ESRRB: variants seen among roughly 807,000 people sequenced by gnomAD.
ESRRB encodes estrogen related receptor beta.
A neutral mutation model predicts 46.0 loss-of-function variants in ESRRB; 16 were observed. The ratio of observed to expected loss-of-function variants is 0.35; its 90% confidence interval spans 0.24 to 0.53. The LOEUF (loss-of-function observed/expected upper bound fraction) is 0.53. Ranked by LOEUF, ESRRB falls within the 20% of genes least tolerant of loss-of-function variation. The probability of loss-of-function intolerance (pLI) is 0.93; values close to 1 mark genes in which losing one functional copy is unlikely to be tolerated. For synonymous variants in ESRRB, 246 were observed against 259.6 expected (o/e 0.95, Z 0.50); for missense variants, 488 against 607.4 (o/e 0.80, Z 2.07).
intron 5 of ESRRB, among the ~76,000 whole-genome samples, chr14:76,483,005 G>C (rs144863372): frequency 5.9e-5 from 9 of 152,250 alleles, no homozygotes; most frequent in African/African-American, 2.2e-4. Context: ...CATTCGAGGC[G>C]GGGCCATGTT....
At chr14:76,374,551 G>T (rs533953594), upstream of ESRRB, among the ~76,000 whole-genome samples, 3 of 152,078 alleles carry the variant, frequency 2.0e-5, no homozygotes, top group Non-Finnish European at 4.4e-5. Context: ...TTTACAAATC[G>T]CTCCCTGGCT....
chr14:76,322,826 C>T (rs539622129), intron 1 of ESRRB, among the ~76,000 whole-genome samples: 46 of 152,306 alleles, frequency 3.0e-4, no homozygotes, highest in African/African-American at 1.1e-3. Context: ...TTTATCTCCA[C>T]GCAATCCGCC....
chr14:76,439,005 C>T (rs1887793400), intron 1 of ESRRB, among the ~76,000 whole-genome samples: 1 of 151,782 alleles, frequency 6.6e-6, no homozygotes, highest in South Asian at 2.1e-4. Context: ...CCCTATGTTG[C>T]CCAGGCTGGT....
chr14:76,398,022 T>C (rs1885771637), intron 1 of ESRRB, among the ~76,000 whole-genome samples: 2 of 152,236 alleles, frequency 1.3e-5, no homozygotes, highest in African/African-American at 2.4e-5. Context: ...CAGGGCCTCA[T>C]TGGATATTCT....
At chr14:76,456,606 G>C (rs951161730) in intron 2 of ESRRB, among the ~76,000 whole-genome samples, 1 of 152,184 alleles carries the variant, frequency 6.6e-6, no homozygotes, top group Non-Finnish European at 1.5e-5. Context: ...CAGGTGGCTA[G>C]TCGTCCCTTT....
chr14:76,413,562 G>A (rs1351819663), intron 1 of ESRRB, among the ~76,000 whole-genome samples: 1 of 152,146 alleles, frequency 6.6e-6, no homozygotes, highest in Non-Finnish European at 1.5e-5. Flanking sequence ...AGGAGGGTTA[G>A]ACACTCCTCT....
intron 2 of ESRRB, among the ~76,000 whole-genome samples, chr14:76,460,832 G>C (rs1888824084): frequency 6.6e-6 from 1 of 151,820 alleles, no homozygotes; most frequent in African/African-American, 2.4e-5. Context: ...CTTCCGAGTA[G>C]CTGTGATTAT....
At position 76,358,407 on chromosome 14, in the gene ESRRB, G is replaced by C. The variant is rs928593049; in HGVS notation, c.2+47491G>C. ...AGAAAGAAAGAAAGAAAGAAAGAAA[G>C]AAAGAAAAGAAAAGAAAAAGAAAAA... On this transcript the variant is annotated intron_variant, in intron 1 of 6. Coordinates refer to the ESRRB transcript ENST00000512784. Among the ~76,000 whole-genome samples, 2 of 128,040 alleles carry C rather than the reference G, an allele frequency of 1.6e-5. 1 individual carries two copies. The highest frequency in any genetic ancestry group is 3.3e-5 in the Non-Finnish European group (2 of 60,318). 84.0% of individuals were successfully genotyped at this position (128,040 alleles called of 152,430 possible).
At chr14:76,462,228 G>A (rs1374899511) in intron 2 of ESRRB, among the ~76,000 whole-genome samples, 5 of 152,160 alleles carry the variant, frequency 3.3e-5, no homozygotes, top group South Asian at 2.1e-4. Context: ...CATAGGGGGC[G>A]TTCTCCTCCT....
At chr14:76,389,033 C>T (rs562969400) in intron 1 of ESRRB, among the ~76,000 whole-genome samples, 3 of 152,224 alleles carry the variant, frequency 2.0e-5, no homozygotes, top group Non-Finnish European at 4.4e-5. Context: ...TAGGCAGGCA[C>T]CCCCCACCAA....
upstream of ESRRB, among the ~76,000 whole-genome samples, chr14:76,370,264 G>T (rs983256023): frequency 6.6e-6 from 1 of 151,908 alleles, no homozygotes; most frequent in South Asian, 2.1e-4. Context: ...CAGGTGTGGT[G>T]GTGGGCACCT....
chr14:76,410,563 A>G (rs978022659), intron 1 of ESRRB, among the ~76,000 whole-genome samples: 2 of 152,146 alleles, frequency 1.3e-5, no homozygotes, highest in African/African-American at 4.8e-5. Flanking sequence ...CCCATTTTAC[A>G]GATGGAGAAT....
Position 76,482,652 on chromosome 14 carries a change from T to C in ESRRB, c.743T>C (p.Met248Thr). Residue 248 changes from methionine (M) to threonine (T), a missense_variant, in exon 5 of 7, where the codon ATG becomes ACG. Coordinates refer to ENST00000644823, the MANE Select transcript of ESRRB (RefSeq NM_001379180.1). The surrounding 1 kb of genome is among the most constrained non-coding windows in gnomAD (Gnocchi z 4.3). ...GCTGAGCCGGACAAGCTCTATGCCA[T>C]GCCTCCCCCTGGTATGCCTGAGGGG... ...LVAEPDKLYA[M>T]PPPGMPEGDI... The C allele has an allele frequency of 6.2e-7, 1 of 1,614,090 alleles. No individual in the cohort carries two copies. Among genetic ancestry groups the C allele is most frequent in the Non-Finnish European group, 8.5e-7 (1 of 1,180,002 alleles).
chr14:76,318,757 A>G (rs561585096), intron 1 of ESRRB, among the ~76,000 whole-genome samples: 2 of 152,324 alleles, frequency 1.3e-5, no homozygotes, highest in Admixed American at 6.5e-5. Context: ...TTTGGCTGTT[A>G]TCATCATTTT....
intron 1 of ESRRB, among the ~76,000 whole-genome samples, chr14:76,426,852 G>A (rs1887222707): frequency 6.6e-6 from 1 of 152,168 alleles, no homozygotes. Flanking sequence ...GCAACATGGG[G>A]AGACCATGTC....
chr14:76,349,848 A>G (rs1323420324), intron 1 of ESRRB, among the ~76,000 whole-genome samples: 1 of 152,182 alleles, frequency 6.6e-6, no homozygotes, highest in Non-Finnish European at 1.5e-5. Context: ...ACTCAGGAAA[A>G]GGAAAGAGCC....
chr14:76,445,262 G>A (rs1888086566), intron 2 of ESRRB, among the ~76,000 whole-genome samples: 1 of 151,104 alleles, frequency 6.6e-6, no homozygotes, highest in African/African-American at 2.4e-5. Context: ...CTAAGATCAG[G>A]TGTTCAGGAC....
At chr14:76,412,836 C>G (rs748140152) in intron 1 of ESRRB, among the ~76,000 whole-genome samples, 2 of 152,090 alleles carry the variant, frequency 1.3e-5, no homozygotes, top group Non-Finnish European at 2.9e-5. Flanking sequence ...GCAGAAGGCC[C>G]GAGTTGCAGT....
At chr14:76,488,602 A>G (rs1356760270) in intron 5 of ESRRB, among the ~76,000 whole-genome samples, 3 of 152,112 alleles carry the variant, frequency 2.0e-5, no homozygotes, top group African/African-American at 7.2e-5. Context: ...TTTAGCTGCA[A>G]AGTTTTGTCG....
Sources: allele counts gnomAD v4.1 joint callset (sites outside exome capture counted in the v4.1 genomes callset), GRCh38; gene constraint gnomAD v4.1.1; non-coding constraint Gnocchi (gnomAD v3.1); transcripts MANE v1.5; gene names NCBI Gene and HGNC (gene_info 2026-07-23, HGNC 2026-07-21).